Variants in PKHD1 observed in about 807,000 individuals in gnomAD.
PKHD1 encodes fibrocystin.
In PKHD1, 291 loss-of-function variants were observed where a neutral mutation model predicts 412.0. The observed-to-expected ratio is 0.71, with a 90% CI of 0.64 to 0.78. PKHD1 has a LOEUF of 0.78. Among genes scored for constraint, PKHD1 ranks in the 30% least tolerant of loss-of-function variants. The probability of loss-of-function intolerance (pLI) is 0.00; values close to 1 mark genes in which losing one functional copy is unlikely to be tolerated. For synonymous variants in PKHD1, 1,777 were observed against 1,821.5 expected, an observed-to-expected ratio of 0.98 and a Z score of 0.62; for missense variants, 4,825 against 4,950.7, an observed-to-expected ratio of 0.97 and a Z score of 0.76.
At position 51,847,975 on chromosome 6, in the gene PKHD1, A is replaced by G. The variant is rs371510537; in HGVS notation, c.7912-5T>C. ...GTTGTCAAAGGTTGCTGAGTACTTGAAGTGAAAGAAAAACACAATAGTGCT... is the reference window on the plus strand; with the variant it reads ...GTTGTCAAAGGTTGCTGAGTACTTGGAGTGAAAGAAAAACACAATAGTGCT... On this transcript the variant is annotated splice_region_variant and splice_polypyrimidine_tract_variant and intron_variant, in intron 49 of 66. Coordinates refer to ENST00000371117, the MANE Select transcript of PKHD1 (RefSeq NM_138694.4). 1 of 1,606,666 alleles carries G rather than the reference A, an allele frequency of 6.2e-7. No homozygotes were observed. Among genetic ancestry groups the G allele is most frequent in the Admixed American group, 1.7e-5 (1 of 59,990 alleles).
At chr6:51,765,726 C>T (rs9367451) in intron 55 of PKHD1, among the ~76,000 whole-genome samples, 68,217 of 151,962 alleles carry the variant, frequency 0.45, 17,364 homozygotes, top group East Asian at 0.81. Context: ...GTTTGAGTAT[C>T]GTCTTTCTCT....
At chr6:51,643,764 G>A (rs1046429517) in intron 63 of PKHD1, among the ~76,000 whole-genome samples, 2 of 152,050 alleles carry the variant, frequency 1.3e-5, no homozygotes, top group South Asian at 2.1e-4. Flanking sequence ...GCGCCGTGGT[G>A]GTTGGCTGCA....
At chr6:51,747,626 G>T (rs1174469065) in intron 58 of PKHD1, among the ~76,000 whole-genome samples, 161 bp downstream of exon 58, 2 of 152,158 alleles carry the variant, frequency 1.3e-5, no homozygotes, top group Admixed American at 6.5e-5. Flanking sequence ...ACTTTTGTAA[G>T]AAATTATAAA....
At chr6:51,828,114 A>T (rs1406722425) in intron 52 of PKHD1, among the ~76,000 whole-genome samples, 5 of 152,066 alleles carry the variant, frequency 3.3e-5, no homozygotes. Flanking sequence ...GTAAGAGAAG[A>T]ATGTGGAGGG....
chr6:51,668,039 G>A (rs1289108139), intron 60 of PKHD1, among the ~76,000 whole-genome samples: 1 of 151,948 alleles, frequency 6.6e-6, no homozygotes, highest in East Asian at 1.9e-4. Context: ...GCTCTTTTTT[G>A]GTTCCATATG....
At chr6:51,816,507 C>A (rs1765484140) in intron 52 of PKHD1, among the ~76,000 whole-genome samples, 1 of 152,198 alleles carries the variant, frequency 6.6e-6, no homozygotes, top group African/African-American at 2.4e-5. Flanking sequence ...GGAGAAGACA[C>A]CTGTTAAATG....
At position 51,995,480 on chromosome 6, in the gene PKHD1, G is replaced by A. The variant is rs77163812; in HGVS notation, c.5751+14829C>T. ...TCCAGCCAAATAAAATCACTTAAACGTAAACCATGTTTTCCCATCTCTGGG... is the reference window on the plus strand; with the variant it reads ...TCCAGCCAAATAAAATCACTTAAACATAAACCATGTTTTCCCATCTCTGGG... On this transcript the variant is annotated intron_variant, in intron 35 of 66. Transcript: ENST00000371117. Among the ~76,000 whole-genome samples the A allele has an allele frequency of 4.4e-3, 666 of 152,152 alleles. 7 individuals carry two copies. The highest frequency in any genetic ancestry group is 0.015 in the African/African-American group (626 of 41,506).
intron 49 of PKHD1, among the ~76,000 whole-genome samples, chr6:51,852,673 C>G (rs1445138568): frequency 6.6e-6 from 1 of 150,428 alleles, no homozygotes; most frequent in Non-Finnish European, 1.5e-5. Context: ...CCTTCTTTGT[C>G]TTTTTTGATC....
chr6:51,724,302 C>A (rs551575716), intron 60 of PKHD1, among the ~76,000 whole-genome samples: 1 of 152,246 alleles, frequency 6.6e-6, no homozygotes, highest in Admixed American at 6.5e-5. Context: ...ATTATCTAGT[C>A]TTTGAGACCA....
At chr6:52,071,666 G>T (rs930542381) in intron 8 of PKHD1, among the ~76,000 whole-genome samples, 11 of 152,214 alleles carry the variant, frequency 7.2e-5, no homozygotes, top group South Asian at 4.2e-4. Context: ...TTAAGATCAT[G>T]AACTCTAGGG....
At chr6:52,022,974 C>G (rs1349012689) in intron 32 of PKHD1, 30 bp from the exon 33 acceptor site, 1 of 1,613,508 alleles carries the variant, frequency 6.2e-7, no homozygotes, top group South Asian at 1.1e-5. Context: ...AGTTCTTGAT[C>G]ATACAGGCAA....
At chr6:51,954,814 T>G (rs950441694) in intron 36 of PKHD1, among the ~76,000 whole-genome samples, 2 of 152,066 alleles carry the variant, frequency 1.3e-5, no homozygotes. Context: ...TCTCCCCTAA[T>G]TGACCCTTTC....
At chr6:51,906,144 G>A in intron 41 of PKHD1, 71 bp downstream of exon 41, 2 of 1,272,438 alleles carry the variant, frequency 1.6e-6, no homozygotes, top group South Asian at 1.2e-5. Context: ...TTAGAAATTT[G>A]GGGAGAATTC....
chr6:51,637,566 G>T (rs961510739), intron 64 of PKHD1, among the ~76,000 whole-genome samples: 1 of 151,398 alleles, frequency 6.6e-6, no homozygotes, highest in Non-Finnish European at 1.5e-5. Context: ...TAGCCAGGGA[G>T]CAATAATATT....
intron 55 of PKHD1, among the ~76,000 whole-genome samples, chr6:51,761,089 G>A (rs1186170135): frequency 6.6e-6 from 1 of 151,986 alleles, no homozygotes; most frequent in Non-Finnish European, 1.5e-5. Flanking sequence ...ATATTCCAAG[G>A]ATATGAAATC....
intron 60 of PKHD1, among the ~76,000 whole-genome samples, chr6:51,680,375 T>G (rs1007605650): frequency 6.6e-6 from 1 of 152,016 alleles, no homozygotes; most frequent in Non-Finnish European, 1.5e-5. Flanking sequence ...ATATGAAGGT[T>G]ATTTTCACAC....
At chr6:51,953,946 GA>G (rs1031406355) in intron 36 of PKHD1, among the ~76,000 whole-genome samples, 2 of 151,980 alleles carry the variant, frequency 1.3e-5, no homozygotes, top group African/African-American at 4.8e-5. Flanking sequence ...GCAATAGAAG[GA>G]AAAACACTTC....
At chr6:51,994,922 G>A (rs777414288) in intron 35 of PKHD1, among the ~76,000 whole-genome samples, 3 of 152,068 alleles carry the variant, frequency 2.0e-5, no homozygotes, top group Non-Finnish European at 4.4e-5. Context: ...CACACAGGTA[G>A]GTAACACCCA....
chr6:51,832,574 G>GT (rs939995261), intron 51 of PKHD1, among the ~76,000 whole-genome samples: 3 of 152,066 alleles, frequency 2.0e-5, no homozygotes, highest in Non-Finnish European at 4.4e-5. Context: ...GGCATTCAGG[G>GT]TATCTCTGTG....
Sources: gnomAD v4.1 joint callset for allele counts (sites outside exome capture counted in the v4.1 genomes callset) on GRCh38, gnomAD v4.1.1 for gene constraint, MANE v1.5 for transcripts, NCBI Gene and HGNC (gene_info 2026-07-23, HGNC 2026-07-21) for gene names.